The following LRRC4C variants were observed in gnomAD, a reference collection of about 807,000 sequenced individuals.
The protein encoded by LRRC4C is leucine-rich repeat-containing protein 4C.
In LRRC4C, 5 loss-of-function variants were observed where a neutral mutation model predicts 33.6. The observed-to-expected ratio is 0.15, with a 90% CI of 0.08 to 0.31. The LOEUF (loss-of-function observed/expected upper bound fraction) is 0.31. Ranked by LOEUF, LRRC4C falls within the 10% of genes least tolerant of loss-of-function variation. LRRC4C has a pLI of 1.00. For missense variants in LRRC4C, 560 were observed against 796.7 expected (o/e 0.70, Z 3.58); for synonymous variants, 329 against 302.0 (o/e 1.09, Z -0.93).
intron 2 of LRRC4C, among the ~76,000 whole-genome samples, chr11:40,910,477 G>T (rs1956620599): frequency 6.6e-6 from 1 of 152,164 alleles, no homozygotes; most frequent in African/African-American, 2.4e-5. Flanking sequence ...ACTTGATATT[G>T]TGGTCTAAAA....
chr11:41,364,207 A>G (rs918192659), intron 1 of LRRC4C, among the ~76,000 whole-genome samples: 2 of 152,198 alleles, frequency 1.3e-5, no homozygotes, highest in Non-Finnish European at 1.5e-5. Context: ...CACTCTTCAA[A>G]TGTAGCTGCT....
intron 3 of LRRC4C, among the ~76,000 whole-genome samples, chr11:40,571,921 G>A (rs1046846252): frequency 2.6e-5 from 4 of 152,098 alleles, no homozygotes; most frequent in East Asian, 3.9e-4. Flanking sequence ...GTGGTCTTTC[G>A]GTAGGTGAAT....
intron 4 of LRRC4C, among the ~76,000 whole-genome samples, chr11:40,308,756 G>A (rs558321606): frequency 5.3e-5 from 8 of 152,264 alleles, no homozygotes; most frequent in African/African-American, 1.9e-4. Flanking sequence ...ACATACGAAA[G>A]CCAGCCCAAG....
intron 3 of LRRC4C, among the ~76,000 whole-genome samples, chr11:40,401,050 T>C (rs970402237): frequency 2.0e-5 from 3 of 152,178 alleles, no homozygotes; most frequent in African/African-American, 7.2e-5. Flanking sequence ...GGTTGATTGC[T>C]GTTTGCAAGG....
chr11:40,872,594 T>C (rs1012924788), intron 2 of LRRC4C, among the ~76,000 whole-genome samples: 2 of 152,134 alleles, frequency 1.3e-5, no homozygotes, highest in African/African-American at 4.8e-5. Flanking sequence ...TTTACCTATA[T>C]CTTTCCCGGA....
At chr11:40,900,903 C>G (rs1184992609) in intron 2 of LRRC4C, among the ~76,000 whole-genome samples, 2 of 151,738 alleles carry the variant, frequency 1.3e-5, no homozygotes, top group Non-Finnish European at 2.9e-5. Flanking sequence ...ATGATTGTAT[C>G]ATAAAAAGAG....
chr11:40,935,884 T>A (rs572971699), intron 1 of LRRC4C, among the ~76,000 whole-genome samples: 1 of 150,924 alleles, frequency 6.6e-6, no homozygotes, highest in African/African-American at 2.4e-5. Context: ...TCATTCTGAG[T>A]CTCAGGTCCT....
intron 1 of LRRC4C, among the ~76,000 whole-genome samples, chr11:40,954,458 C>A (rs1254827374): frequency 2.0e-5 from 3 of 151,862 alleles, no homozygotes; most frequent in Non-Finnish European, 2.9e-5. Context: ...AAAGACCAAC[C>A]TGTGCTGTCA....
chr11:41,170,185 T>A (rs189258874), intron 1 of LRRC4C, among the ~76,000 whole-genome samples: 354 of 152,296 alleles, frequency 2.3e-3, no homozygotes, highest in African/African-American at 8.0e-3. Flanking sequence ...CTGCCCAAGG[T>A]AATTTATAGA....
chr11:41,120,590 A>G (rs1331500992), intron 1 of LRRC4C, among the ~76,000 whole-genome samples: 1 of 152,094 alleles, frequency 6.6e-6, no homozygotes, highest in Non-Finnish European at 1.5e-5. Flanking sequence ...ATATTACTTC[A>G]TGAAGGCAGC....
chr11:41,427,091 G>A (rs1293286840), intron 1 of LRRC4C, among the ~76,000 whole-genome samples: 1 of 152,274 alleles, frequency 6.6e-6, no homozygotes, highest in Non-Finnish European at 1.5e-5. Context: ...TAGATGTACA[G>A]GGAGGGAAGG....
intron 1 of LRRC4C, among the ~76,000 whole-genome samples, chr11:41,019,112 G>A (rs762342064): frequency 2.6e-5 from 4 of 152,004 alleles, no homozygotes; most frequent in Non-Finnish European, 5.9e-5. Flanking sequence ...TGTTACACAG[G>A]TATATATGTG....
chr11:40,674,310 T>C (rs1212143003), intron 2 of LRRC4C, among the ~76,000 whole-genome samples: 2 of 152,222 alleles, frequency 1.3e-5, no homozygotes, highest in Non-Finnish European at 2.9e-5. Context: ...TTCCAGTCAA[T>C]GTGACCCACC....
chr11:40,363,228 A>G (rs1278738465), intron 3 of LRRC4C, among the ~76,000 whole-genome samples: 1 of 152,196 alleles, frequency 6.6e-6, no homozygotes, highest in East Asian at 1.9e-4. Flanking sequence ...ATGCAGCCAT[A>G]AAAAAGAATG....
At chr11:40,316,884 T>C (rs1280869122) in intron 4 of LRRC4C, among the ~76,000 whole-genome samples, 2 of 151,878 alleles carry the variant, frequency 1.3e-5, no homozygotes, top group East Asian at 3.9e-4. Flanking sequence ...TGGAGATCTA[T>C]ATAGGGTTCT....
At chr11:41,337,624 T>C (rs1951498693) in intron 1 of LRRC4C, among the ~76,000 whole-genome samples, 1 of 152,136 alleles carries the variant, frequency 6.6e-6, no homozygotes, top group Admixed American at 6.5e-5. Context: ...GACATAGGCA[T>C]GGGCAAGGGT....
intron 2 of LRRC4C, among the ~76,000 whole-genome samples, chr11:40,716,627 CA>C (rs1307960238): frequency 1.3e-5 from 2 of 152,132 alleles, no homozygotes; most frequent in Non-Finnish European, 2.9e-5. Flanking sequence ...TAAAGAAAAG[CA>C]GTAATATGCT....
At chr11:41,286,446 C>G (rs1458154019) in intron 1 of LRRC4C, among the ~76,000 whole-genome samples, 1 of 152,004 alleles carries the variant, frequency 6.6e-6, no homozygotes, top group Non-Finnish European at 1.5e-5. Context: ...AAAAGTAACC[C>G]AGCACAGAGA....
At chr11:40,253,988 T>A (rs1368659052) in intron 4 of LRRC4C, among the ~76,000 whole-genome samples, 1 of 152,228 alleles carries the variant, frequency 6.6e-6, no homozygotes, top group Non-Finnish European at 1.5e-5. Flanking sequence ...AAGCAGATTA[T>A]CAAACTATGG....
Sources: gnomAD v4.1 joint callset for allele counts (sites outside exome capture counted in the v4.1 genomes callset) on GRCh38, gnomAD v4.1.1 for gene constraint, MANE v1.5 for transcripts, NCBI Gene and HGNC (gene_info 2026-07-23, HGNC 2026-07-21) for gene names.